ZNF708: variants seen among roughly 807,000 people sequenced by gnomAD.
ZNF708 encodes the protein ZNF15, ZNF15L1.
Under a neutral mutation model 47.0 loss-of-function variants are expected in ZNF708, and 44 were observed. That is an observed-to-expected ratio of 0.94 (90% CI 0.74 to 1.20). ZNF708 has a LOEUF of 1.20. Ranked by LOEUF, ZNF708 falls within the 50% of genes most tolerant of loss-of-function variation. ZNF708 has a pLI of 0.00. For synonymous variants in ZNF708, 184 were observed against 218.5 expected (o/e 0.84, Z 1.39); for missense variants, 557 against 656.0 (o/e 0.85, Z 1.65).
intron 2 of ZNF708, among the ~76,000 whole-genome samples, chr19:21,310,244 A>G (rs188116135): frequency 6.6e-6 from 1 of 152,116 alleles, no homozygotes; most frequent in East Asian, 1.9e-4. Context: ...CAGGAGTTCG[A>G]GATCAGCCTG....
intron 1 of ZNF708, among the ~76,000 whole-genome samples, chr19:21,325,395 A>G (rs1423628704): frequency 6.6e-6 from 1 of 152,222 alleles, no homozygotes; most frequent in Non-Finnish European, 1.5e-5. Flanking sequence ...AGAATAGAGA[A>G]CCCAGAAATA....
At chr19:21,298,074 C>A (rs1972577350) in intron 3 of ZNF708, among the ~76,000 whole-genome samples, 1 of 150,670 alleles carries the variant, frequency 6.6e-6, no homozygotes. Flanking sequence ...ACACAGAGAG[C>A]AATATAATTA....
At chr19:21,308,237 A>G (rs1406302961) in intron 3 of ZNF708, among the ~76,000 whole-genome samples, 2 of 152,006 alleles carry the variant, frequency 1.3e-5, no homozygotes, top group Non-Finnish European at 2.9e-5. Context: ...TTTCATAGTA[A>G]TAGAAAATAC....
intron 1 of ZNF708, among the ~76,000 whole-genome samples, chr19:21,327,472 C>T (rs906867724): frequency 6.7e-6 from 1 of 148,870 alleles, no homozygotes; most frequent in African/African-American, 2.5e-5. Context: ...GCGGAGGTTG[C>T]GGTGACCCGA....
chr19:21,318,355 G>C (rs1973058039), intron 1 of ZNF708: 1 of 152,166 alleles, frequency 6.6e-6, no homozygotes, highest in Non-Finnish European at 1.5e-5. Flanking sequence ...AACACCAAGG[G>C]ATAGCATTAG....
rs771667620 is a variant in ZNF708 at position 21,329,194 on chromosome 19, C to T, written c.3+16G>A. Reference sequence around the variant, plus strand: ...CAGCCCTTCCCCTCTCTCGGGATGTCGGACGGCACTCTCACCATTTCTAGG... The same window carrying T: ...CAGCCCTTCCCCTCTCTCGGGATGTTGGACGGCACTCTCACCATTTCTAGG... On this transcript the variant is annotated intron_variant, in intron 1 of 3. Coordinates refer to ENST00000356929, the MANE Select transcript of ZNF708 (RefSeq NM_021269.3). 15 of 1,612,042 alleles carry T rather than the reference C, an allele frequency of 9.3e-6. No individual in the cohort carries two copies. In the East Asian group the frequency reaches 2.0e-4, roughly 22 times the overall value.
rs55662605 is a variant in ZNF708, at chr19:21,320,768, TAAAAAAAA to T, written c.3+8434_3+8441del. Among the ~76,000 whole-genome samples the T allele has an allele frequency of 3.6e-5, 4 of 111,896 alleles. No homozygotes were observed. The East Asian group carries it at 7.7e-4, about 22-fold the overall frequency. The allele number at this position is 111,896 out of a possible 152,430, so 73.4% of individuals were successfully genotyped here. A position where few individuals can be genotyped will look rare whatever the true frequency, so the allele number is the denominator to read the frequency against. On this transcript the variant is annotated intron_variant, in intron 1 of 3. Transcript: ENST00000356929. ...ACATCATGAAATACTCTCTGGCCATTAAAAAAAAAAAAAAAAAAAGAACAGCATTATAT... is the reference window on the plus strand; with the variant it reads ...ACATCATGAAATACTCTCTGGCCATTAAAAAAAAAAAGAACAGCATTATAT...
At chr19:21,315,790 A>C (rs181103339) in intron 1 of ZNF708, among the ~76,000 whole-genome samples, 2 of 151,674 alleles carry the variant, frequency 1.3e-5, no homozygotes, top group South Asian at 2.1e-4. Flanking sequence ...TGGCATTTTT[A>C]GTTCAATTTA....
At chr19:21,312,647 T>C (rs931841131) in intron 1 of ZNF708, among the ~76,000 whole-genome samples, 3 of 152,210 alleles carry the variant, frequency 2.0e-5, no homozygotes, top group Non-Finnish European at 2.9e-5. Context: ...CTTGGTAATT[T>C]TGGACCCACT....
chr19:21,321,993 A>G (rs551093907), intron 1 of ZNF708, among the ~76,000 whole-genome samples: 2 of 151,960 alleles, frequency 1.3e-5, no homozygotes, highest in Non-Finnish European at 2.9e-5. Context: ...TCATACAGGC[A>G]GGTGAGATTA....
chr19:21,315,504 T>A (rs1274427207), intron 1 of ZNF708, among the ~76,000 whole-genome samples: 1 of 152,178 alleles, frequency 6.6e-6, no homozygotes, highest in Non-Finnish European at 1.5e-5. Context: ...AAATGATGTT[T>A]ACCTAAAAGG....
At chr19:21,294,930 A>G (rs957505782) in intron 3 of ZNF708, among the ~76,000 whole-genome samples, 191 bp from the exon 4 acceptor site, 3 of 152,172 alleles carry the variant, frequency 2.0e-5, no homozygotes, top group East Asian at 3.9e-4. Context: ...ATAAATAAGT[A>G]AAGTCTGTGC....
intron 1 of ZNF708, among the ~76,000 whole-genome samples, chr19:21,317,711 T>C (rs1438916295): frequency 6.6e-6 from 1 of 152,224 alleles, no homozygotes; most frequent in Non-Finnish European, 1.5e-5. Context: ...ATAGTCACCA[T>C]AATTAGTCCA....
intron 3 of ZNF708, among the ~76,000 whole-genome samples, chr19:21,295,536 G>A (rs1568344765): frequency 2.0e-5 from 3 of 152,074 alleles, no homozygotes; most frequent in East Asian, 3.9e-4. Context: ...ACCTGAGGTT[G>A]GGAGTTCAAG....
intron 3 of ZNF708, among the ~76,000 whole-genome samples, chr19:21,295,973 G>T (rs188793483): frequency 0.011 from 1,614 of 152,100 alleles, 40 homozygotes; most frequent in Non-Finnish European, 8.9e-3. Context: ...TCAGAAAAAT[G>T]AGGATAACAA....
intron 1 of ZNF708, among the ~76,000 whole-genome samples, chr19:21,312,716 ACC>A (rs768628763): frequency 6.8e-6 from 1 of 146,342 alleles, no homozygotes; most frequent in Non-Finnish European, 1.5e-5. Flanking sequence ...TTTAAACAAG[ACC>A]CCTGTCAATG....
At chr19:21,324,448 T>C (rs995109232) in intron 1 of ZNF708, among the ~76,000 whole-genome samples, 14 of 151,916 alleles carry the variant, frequency 9.2e-5, no homozygotes, top group African/African-American at 2.9e-4. Flanking sequence ...ATGCCTGTAA[T>C]CCCAGCTACT....
At chr19:21,313,777 T>C (rs1442739303) in intron 1 of ZNF708, among the ~76,000 whole-genome samples, 2 of 136,966 alleles carry the variant, frequency 1.5e-5, no homozygotes, top group African/African-American at 2.7e-5. Context: ...AAAAAAAAAG[T>C]GTGTAGAATA....
intron 3 of ZNF708, chr19:21,306,696 G>A (rs1168638183): frequency 6.6e-6 from 1 of 152,124 alleles, no homozygotes; most frequent in Admixed American, 6.6e-5. Context: ...TGTAATCCTA[G>A]CACTTTGCGA....
Sources: allele counts gnomAD v4.1 joint callset (sites outside exome capture counted in the v4.1 genomes callset), GRCh38; gene constraint gnomAD v4.1.1; transcripts MANE v1.5; gene names NCBI Gene and HGNC (gene_info 2026-07-23, HGNC 2026-07-21).